ANK2: variants seen among roughly 807,000 people sequenced by gnomAD.
The protein encoded by ANK2 is ankyrin 2, also known as ankyrin-2.
In ANK2, 83 loss-of-function variants were observed where a neutral mutation model predicts 360.5. The ratio of observed to expected loss-of-function variants is 0.23; its 90% CI spans 0.19 to 0.28. The LOEUF (loss-of-function observed/expected upper bound fraction) is 0.28, where lower values mean the gene tolerates loss of function less well. Among genes scored for constraint, ANK2 ranks in the 10% least tolerant of loss-of-function variants. The probability of loss-of-function intolerance (pLI) is 1.00; values close to 1 mark genes in which losing one functional copy is unlikely to be tolerated. For synonymous variants in ANK2, 1,740 were observed against 1,759.5 expected (o/e 0.99, Z 0.28); for missense variants, 4,201 against 4,795.7 (o/e 0.88, Z 3.66).
At chr4:112,870,654 T>G (rs995806784) in intron 1 of ANK2, among the ~76,000 whole-genome samples, 5 of 152,248 alleles carry the variant, frequency 3.3e-5, no homozygotes, top group Non-Finnish European at 7.3e-5. Flanking sequence ...ATTCCACTTA[T>G]CTACATGTTT....
chr4:113,298,538 A>T (rs191724593), intron 22 of ANK2, among the ~76,000 whole-genome samples: 1 of 152,330 alleles, frequency 6.6e-6, no homozygotes, highest in Admixed American at 6.5e-5. Flanking sequence ...ACTATTTGTA[A>T]AGCAGAATGT....
In ANK2 at chr4:113,355,735, A is replaced by G. The variant is rs184514058; in HGVS notation, c.7117A>G (p.Thr2373Ala). Reference protein sequence around the residue: ...TQTDSEVQESTATSDETKALP... With the variant: ...TQTDSEVQESAATSDETKALP... ...AACTGATAGTGAGGTTCAAGAATCC[A>G]CAGCCACCTCAGACGAGACAAAGGC... Residue 2373 changes from threonine to alanine, a missense_variant, in exon 38 of 46, where the codon ACA becomes GCA. Physicochemically the swap from Thr to Ala is moderately conservative, Grantham distance 58. This residue lies in a region of ANK2 where 2,642 missense variants were observed against 2,714.5 expected (regional missense o/e 0.97). Transcript: ENST00000357077. 260 of 1,614,162 alleles carry G rather than the reference A, an allele frequency of 1.6e-4. No homozygotes were observed. The East Asian group carries it at 4.0e-3, about 25-fold the overall frequency.
At chr4:113,374,576 C>T (rs1304307076) in intron 45 of ANK2, among the ~76,000 whole-genome samples, 1 of 152,180 alleles carries the variant, frequency 6.6e-6, no homozygotes, top group Admixed American at 6.5e-5. Flanking sequence ...TGTGGAGATA[C>T]AGTCATGATG....
chr4:113,301,097 C>T (rs866389877), intron 22 of ANK2, among the ~76,000 whole-genome samples: 7 of 152,080 alleles, frequency 4.6e-5, no homozygotes, highest in African/African-American at 1.4e-4. Flanking sequence ...AACTAGACAA[C>T]CTATTTTTTG....
At chr4:113,136,508 C>G (rs759319916) in intron 1 of ANK2, among the ~76,000 whole-genome samples, 2 of 152,008 alleles carry the variant, frequency 1.3e-5, no homozygotes, top group South Asian at 2.1e-4. Context: ...ATGGCGAAAC[C>G]CTGTCTCTAC....
intron 2 of ANK2, among the ~76,000 whole-genome samples, chr4:113,037,512 G>T (rs1409976012): frequency 6.6e-6 from 1 of 151,874 alleles, no homozygotes; most frequent in Non-Finnish European, 1.5e-5. Context: ...AGATAAACTG[G>T]CAAGCAGATA....
intron 1 of ANK2, among the ~76,000 whole-genome samples, chr4:113,173,084 G>A (rs549013319): frequency 2.9e-4 from 44 of 152,256 alleles, no homozygotes; most frequent in African/African-American, 9.9e-4. Flanking sequence ...AATTCTGGAT[G>A]TATAGATTTC....
At chr4:113,186,582 CTCTCT>C (rs528498401) in intron 2 of ANK2, among the ~76,000 whole-genome samples, 6,909 of 66,890 alleles carry the variant, frequency 0.1, 1,038 homozygotes, top group African/African-American at 0.31. Context: ...CTCTCTCTCT[CTCTCT>C]TCTCTCTCTC....
At chr4:113,326,119 A>G (rs1252437181) in intron 26 of ANK2, among the ~76,000 whole-genome samples, 1 of 152,192 alleles carries the variant, frequency 6.6e-6, no homozygotes, top group Non-Finnish European at 1.5e-5. Flanking sequence ...TGTGGTACAT[A>G]AAAGTACGTT....
intron 1 of ANK2, among the ~76,000 whole-genome samples, chr4:112,831,527 C>A (rs1358991369): frequency 1.3e-5 from 2 of 152,052 alleles, no homozygotes; most frequent in East Asian, 1.9e-4. Flanking sequence ...TGTAAATACA[C>A]CAATCAGCAC....
chr4:113,274,418 C>T (rs748727408), intron 14 of ANK2, 34 bp from the exon 15 acceptor site: 2 of 1,605,764 alleles, frequency 1.2e-6, no homozygotes, highest in East Asian at 2.2e-5. Context: ...TTCTGTCTGC[C>T]CGGCACTAAC....
At chr4:113,315,201 A>G (rs1365990183) in intron 24 of ANK2, among the ~76,000 whole-genome samples, 1 of 152,228 alleles carries the variant, frequency 6.6e-6, no homozygotes, top group Non-Finnish European at 1.5e-5. Context: ...GGATATCAAA[A>G]TTTCACTTGT....
chr4:113,089,958 T>C (rs2086971185), intron 1 of ANK2, among the ~76,000 whole-genome samples: 1 of 152,248 alleles, frequency 6.6e-6, no homozygotes, highest in Non-Finnish European at 1.5e-5. Context: ...TAATATGTGG[T>C]ATTTTTTATT....
Position 113,237,038 on chromosome 4 carries a change from G to C in ANK2, c.535G>C (p.Val179Leu). 6.2e-7 allele frequency: 1 copy of C among 1,614,166 alleles called. No individual in the cohort carries two copies. Among genetic ancestry groups the C allele is most frequent in the Admixed American group, 1.7e-5 (1 of 60,022 alleles). ...ACTCCAGCAAGGACACAACCAGGCG[G>C]TGGCCATCCTCTTGGAGAATGACAC... ...VALQQGHNQA[V>L]AILLENDTKG... The change falls in exon 6 of 46, where the codon GTG becomes CTG. Residue 179 changes from valine (V) to leucine (L), a missense_variant. Physicochemically the swap from Val to Leu is conservative, Grantham distance 32. Around this residue, in one of 4 missense-constraint regions of ANK2, gnomAD observed 122 missense variants for 239.3 expected, o/e 0.51. Coordinates refer to ENST00000357077, the MANE Select transcript of ANK2 (RefSeq NM_001148.6).
At chr4:113,327,473 T>C (rs746712356) in intron 26 of ANK2, among the ~76,000 whole-genome samples, 7 of 152,206 alleles carry the variant, frequency 4.6e-5, no homozygotes, top group African/African-American at 7.2e-5. Flanking sequence ...AATTTCCTCC[T>C]ATGTTAGCCT....
chr4:113,082,180 A>AT (rs1406772836), intron 1 of ANK2, among the ~76,000 whole-genome samples: 15 of 152,240 alleles, frequency 9.9e-5, no homozygotes, highest in Admixed American at 2.0e-4. Flanking sequence ...CTACTTACCA[A>AT]ATTACATTTT....
chr4:113,008,137 CT>C (rs2053551468), intron 2 of ANK2, among the ~76,000 whole-genome samples: 1 of 143,910 alleles, frequency 6.9e-6, no homozygotes, highest in Admixed American at 7.0e-5. Context: ...CTGAATGAGT[CT>C]TTCCTTTTGA....
intron 2 of ANK2, among the ~76,000 whole-genome samples, chr4:112,988,896 T>TA (rs1204990247): frequency 2.0e-5 from 3 of 152,162 alleles, no homozygotes; most frequent in South Asian, 2.1e-4. Context: ...ACCCAAATGG[T>TA]AAAAAAATTC....
chr4:112,733,271 C>T, the ANK2 span, among the ~76,000 whole-genome samples: 1 of 151,964 alleles, frequency 6.6e-6, no homozygotes, highest in East Asian at 1.9e-4. Flanking sequence ...TTTATATCTC[C>T]CTGAGACTTG....
Sources: gnomAD v4.1 joint callset for allele counts (sites outside exome capture counted in the v4.1 genomes callset) on GRCh38, gnomAD v4.1.1 for gene constraint, gnomAD v4.1.1 regional missense constraint, MANE v1.5 for transcripts, NCBI Gene and HGNC (gene_info 2026-07-23, HGNC 2026-07-21) for gene names.